Variants in PDE10A observed in about 807,000 individuals in gnomAD.
PDE10A encodes the protein cAMP and cAMP-inhibited cGMP 3',5'-cyclic phosphodiesterase 10A.
A neutral mutation model predicts 97.7 loss-of-function variants in PDE10A; 39 were observed. The ratio of observed to expected loss-of-function variants is 0.40; its 90% CI spans 0.31 to 0.52. The LOEUF is 0.52. PDE10A is among the 20% of genes least tolerant of loss of function. PDE10A has a pLI of 0.56. For missense variants in PDE10A, 731 were observed against 1,047.8 expected, an observed-to-expected ratio of 0.70 and a Z score of 4.17; for synonymous variants, 371 against 376.8, an observed-to-expected ratio of 0.98 and a Z score of 0.18.
chr6:165,784,552 C>T (rs1778444995), intron 1 of PDE10A, among the ~76,000 whole-genome samples: 1 of 152,164 alleles, frequency 6.6e-6, no homozygotes, highest in Non-Finnish European at 1.5e-5. Flanking sequence ...GCAAGTAATG[C>T]CAAATTGCTT....
intron 1 of PDE10A, chr6:165,987,447 A>T (rs1785256895): frequency 3.0e-6 from 1 of 331,022 alleles, no homozygotes. Flanking sequence ...TTTTAAGTAC[A>T]CGCACACACA....
At chr6:165,857,286 C>A (rs1019469796) in intron 1 of PDE10A, among the ~76,000 whole-genome samples, 3 of 152,190 alleles carry the variant, frequency 2.0e-5, no homozygotes, top group Non-Finnish European at 4.4e-5. Flanking sequence ...CGGACCTGAA[C>A]CCCAGGAGGA....
At chr6:165,461,954 C>T (rs1030429634) in intron 3 of PDE10A, among the ~76,000 whole-genome samples, 38 of 152,236 alleles carry the variant, frequency 2.5e-4, no homozygotes, top group Non-Finnish European at 1.5e-5. Context: ...CACACATGTT[C>T]CCTCGTTTGG....
intron 1 of PDE10A, among the ~76,000 whole-genome samples, chr6:165,686,127 A>G (rs1791107792): frequency 1.1e-5 from 1 of 91,692 alleles, no homozygotes; most frequent in African/African-American, 3.8e-5. Flanking sequence ...TTAAATGTGC[A>G]TGGACACACA....
chr6:165,758,527 A>AGAAGAAGAAGAAGAAGAG (rs1554317323), intron 1 of PDE10A, among the ~76,000 whole-genome samples: 10 of 140,638 alleles, frequency 7.1e-5, no homozygotes, highest in Admixed American at 2.2e-4. Flanking sequence ...AAGAAGAAGA[A>AGAAGAAGAAGAAGAAGAG]GAAGAGGAAG....
At chr6:165,350,809 C>G (rs1346242927) in intron 18 of PDE10A, among the ~76,000 whole-genome samples, 4 of 152,174 alleles carry the variant, frequency 2.6e-5, no homozygotes, top group Admixed American at 6.5e-5. Flanking sequence ...TCCCTCTTCG[C>G]TGGGCACTCA....
At chr6:165,772,014 T>C (rs1396697720) in intron 1 of PDE10A, among the ~76,000 whole-genome samples, 1 of 152,196 alleles carries the variant, frequency 6.6e-6, no homozygotes, top group Non-Finnish European at 1.5e-5. Flanking sequence ...TGAAGGTCAG[T>C]CTTTTCACCG....
chr6:165,892,553 G>A (rs547759350), intron 1 of PDE10A, among the ~76,000 whole-genome samples: 1 of 152,178 alleles, frequency 6.6e-6, no homozygotes, highest in Non-Finnish European at 1.5e-5. Context: ...CCTCCCCAAG[G>A]CATGGGTGCA....
intron 1 of PDE10A, among the ~76,000 whole-genome samples, chr6:165,833,380 A>C (rs1779978321): frequency 6.6e-6 from 1 of 152,048 alleles, no homozygotes; most frequent in Admixed American, 6.6e-5. Flanking sequence ...TGAGGTGGGA[A>C]GGCTAATCTC....
intron 1 of PDE10A, among the ~76,000 whole-genome samples, chr6:165,697,701 G>A (rs1489806515): frequency 6.6e-6 from 1 of 152,178 alleles, no homozygotes; most frequent in East Asian, 1.9e-4. Context: ...AGGCTTTCAG[G>A]GACTGGGTAG....
chr6:165,368,523 C>A (rs1445908167), intron 18 of PDE10A, among the ~76,000 whole-genome samples: 1 of 152,040 alleles, frequency 6.6e-6, no homozygotes, highest in African/African-American at 2.4e-5. Context: ...AACTCAGGAA[C>A]AACCACTTGA....
intron 1 of PDE10A, among the ~76,000 whole-genome samples, chr6:165,704,021 C>T (rs978453033): frequency 2.6e-5 from 4 of 152,210 alleles, no homozygotes; most frequent in Non-Finnish European, 4.4e-5. Context: ...GCCGTACACA[C>T]GCCCAAACAT....
rs752673104 is a variant in PDE10A, at chr6:165,543,516, T to C, written c.918A>G (p.Leu306=). 1.9e-6 allele frequency: 3 copies of C among 1,611,238 alleles called. No homozygotes were observed. Among genetic ancestry groups the C allele is most frequent in the Non-Finnish European group, 2.5e-6 (3 of 1,177,862 alleles). Residue 306 remains leucine (L), a synonymous_variant, in exon 2 of 22, where the codon TTA becomes TTG. Coordinates refer to ENST00000539869, the MANE Select transcript of PDE10A (RefSeq NM_001385079.1). ...KAYLSLHPQV[L]DEFVSESVSA... is the part of the protein sequence containing the mutation. ...TAACACTTTCAGATACAAATTCATC[T>C]AATACCTGGGGGTGAAGAGAAAGAT...
At chr6:165,444,010 T>A (rs1343212299) in intron 5 of PDE10A, among the ~76,000 whole-genome samples, 1 of 152,336 alleles carries the variant, frequency 6.6e-6, no homozygotes, top group East Asian at 1.9e-4. Context: ...TTGTCCTTTC[T>A]ACAACACGGT....
At chr6:165,335,300 C>T (rs1409549429) in intron 21 of PDE10A, among the ~76,000 whole-genome samples, 1 of 152,088 alleles carries the variant, frequency 6.6e-6, no homozygotes, top group Non-Finnish European at 1.5e-5. Flanking sequence ...CCCCTTCTTC[C>T]ATTTAAACAA....
intron 13 of PDE10A, among the ~76,000 whole-genome samples, chr6:165,407,882 G>A (rs1787334899): frequency 6.6e-6 from 1 of 152,124 alleles, no homozygotes; most frequent in African/African-American, 2.4e-5. Context: ...GTACTTCCCA[G>A]TATGTTAGCT....
At chr6:165,359,712 A>G (rs1215852819) in intron 18 of PDE10A, among the ~76,000 whole-genome samples, 1 of 151,792 alleles carries the variant, frequency 6.6e-6, no homozygotes, top group Admixed American at 6.6e-5. Context: ...TGTGGGTCCT[A>G]TTTTCCTGCT....
chr6:165,586,991 C>T (rs964220489), intron 1 of PDE10A, among the ~76,000 whole-genome samples: 2 of 152,110 alleles, frequency 1.3e-5, no homozygotes, highest in Non-Finnish European at 2.9e-5. Context: ...ACCTTTGGAA[C>T]CAGCACCTAG....
chr6:165,484,419 G>A (rs1014537242), intron 2 of PDE10A, among the ~76,000 whole-genome samples: 1 of 152,306 alleles, frequency 6.6e-6, no homozygotes, highest in African/African-American at 2.4e-5. Context: ...CCTGAGCTCC[G>A]CCTCCTGTCA....
Sources: allele counts gnomAD v4.1 joint callset (sites outside exome capture counted in the v4.1 genomes callset), GRCh38; gene constraint gnomAD v4.1.1; transcripts MANE v1.5; gene names NCBI Gene and HGNC (gene_info 2026-07-23, HGNC 2026-07-21).